The following ACOT1 variants were observed in gnomAD, a reference collection of about 807,000 sequenced individuals.
ACOT1 encodes the protein acyl-CoA thioesterase 1, also known as acyl-coenzyme A thioesterase 1.
A neutral mutation model predicts 15.7 loss-of-function variants in ACOT1; 8 were observed. The ratio of observed to expected loss-of-function variants is 0.51; its 90% CI spans 0.30 to 0.92. The LOEUF (loss-of-function observed/expected upper bound fraction) is 0.92. Ranked by LOEUF, ACOT1 falls within the 40% of genes least tolerant of loss-of-function variation. The probability of loss-of-function intolerance (pLI) is 0.06; values close to 1 mark genes in which losing one functional copy is unlikely to be tolerated. For missense variants in ACOT1, 151 were observed against 539.4 expected, an observed-to-expected ratio of 0.28 and a Z score of 7.13; for synonymous variants, 67 against 241.2, an observed-to-expected ratio of 0.28 and a Z score of 6.69.
chr14:73,498,166 A>G, the ACOT1 span: 2 of 1,611,898 alleles, frequency 1.2e-6, no homozygotes, highest in African/African-American at 1.3e-5. Flanking sequence ...TTAGAACAGC[A>G]TCGTGGTTCT....
the ACOT1 span, among the ~76,000 whole-genome samples, chr14:73,524,753 C>T: frequency 2.3e-3 from 352 of 151,502 alleles, no homozygotes; most frequent in African/African-American, 8.2e-3. Flanking sequence ...ACTTTGTTGG[C>T]CTTGCCTCTC....
At chr14:73,521,117 G>A in the ACOT1 span, 45 of 1,275,564 alleles carry the variant, frequency 3.5e-5, no homozygotes, top group East Asian at 7.0e-5. Flanking sequence ...TCCACAGCTC[G>A]TTCCCTTTCC....
chr14:73,492,419 G>A, the ACOT1 span: 1 of 1,613,772 alleles, frequency 6.2e-7, no homozygotes, highest in East Asian at 2.2e-5. The surrounding 1 kb of genome is among the most constrained non-coding windows in gnomAD (Gnocchi z 4.9). Flanking sequence ...CCAGCATTCA[G>A]ATTCTAAGGA....
chr14:73,502,195 C>G, the ACOT1 span, among the ~76,000 whole-genome samples: 1 of 151,912 alleles, frequency 6.6e-6, no homozygotes. Context: ...GGCTGGGCCT[C>G]CTGTGCAGTC....
chr14:73,543,007 T>C lies in ACOT1; in HGVS notation c.661-43T>C. Reference sequence around the variant, plus strand: ...GGCACAACTCACCATATTCCACTGTTTGTGGAGCCATTCTTCTTCTTTTTC... The same window carrying C: ...GGCACAACTCACCATATTCCACTGTCTGTGGAGCCATTCTTCTTCTTTTTC... On this transcript the variant is annotated intron_variant, in intron 2 of 2. Coordinates refer to ENST00000311148, the MANE Select transcript of ACOT1 (RefSeq NM_001037161.2). 1.6e-6 allele frequency: 2 copies of C among 1,242,926 alleles called. 1 individual carries two copies. The highest frequency in any genetic ancestry group is 2.1e-6 in the Non-Finnish European group (2 of 935,314). 77.0% of individuals were successfully genotyped at this position (1,242,926 alleles called of 1,614,324 possible).
upstream of ACOT1, among the ~76,000 whole-genome samples, chr14:73,535,469 CTTTTTTTTTTTTTTTTTTTTTTTTT>C (rs869167008): frequency 1.1e-3 from 18 of 16,538 alleles, 1 homozygote; most frequent in Non-Finnish European, 2.8e-3. Context: ...TTTCTTCTTT[CTTTTTTTTTTTTTTTTTTTTTTTTT>C]TTTTTTTTTT....
chr14:73,528,371 G>A, the ACOT1 span, among the ~76,000 whole-genome samples: 14 of 113,478 alleles, frequency 1.2e-4, no homozygotes, highest in African/African-American at 4.0e-4. Flanking sequence ...CAGCCTGGAC[G>A]ACAAGAGCGA....
chr14:73,496,628 T>C, the ACOT1 span: 1 of 1,603,888 alleles, frequency 6.2e-7, no homozygotes, highest in African/African-American at 1.3e-5. Flanking sequence ...GAAGCATTTC[T>C]TGGTTTCCTT....
At chr14:73,537,060 T>G, upstream of ACOT1, 1 of 176,768 alleles carries the variant, frequency 5.7e-6, no homozygotes, top group South Asian at 9.7e-5. Context: ...CTTGGCCAAC[T>G]GCAAGCTCCA....
the ACOT1 span, chr14:73,509,356 T>C: frequency 3.3e-5 from 54 of 1,614,162 alleles, 1 homozygote; most frequent in South Asian, 5.8e-4. Flanking sequence ...AAGGGGATTA[T>C]GTGACTGTAT....
the ACOT1 span, chr14:73,519,242 C>A: frequency 6.9e-7 from 1 of 1,439,220 alleles, no homozygotes; most frequent in Middle Eastern, 1.8e-4. Context: ...TCACCAGGAT[C>A]AGACCCAACT....
intron 1 of ACOT1, 97 bp from the exon 2 acceptor site, chr14:73,541,396 G>C: frequency 2.0e-6 from 2 of 1,023,032 alleles, no homozygotes; most frequent in Non-Finnish European, 2.7e-6. Context: ...GGATTGCTGG[G>C]TCACATGTGT....
chr14:73,509,599 T>A, the ACOT1 span: 21 of 886,990 alleles, frequency 2.4e-5, no homozygotes, highest in South Asian at 2.7e-4. Flanking sequence ...CTATGTAATA[T>A]AATTACAGTT....
chr14:73,509,324 C>A, the ACOT1 span: 1 of 1,614,062 alleles, frequency 6.2e-7, no homozygotes, highest in African/African-American at 1.3e-5. Flanking sequence ...TTCAGAAGGG[C>A]AGTCTGCATG....
the ACOT1 span, among the ~76,000 whole-genome samples, chr14:73,516,662 C>T: frequency 6.6e-6 from 1 of 152,162 alleles, no homozygotes; most frequent in African/African-American, 2.4e-5. Flanking sequence ...TGGGCCTGTA[C>T]CAGTTCATGG....
At chr14:73,506,025 G>A in the ACOT1 span, among the ~76,000 whole-genome samples, 1 of 151,442 alleles carries the variant, frequency 6.6e-6, no homozygotes, top group Non-Finnish European at 1.5e-5. Flanking sequence ...CAAGTAGCAG[G>A]GATTATAGGC....
chr14:73,512,254 G>T, the ACOT1 span: 1 of 1,284,752 alleles, frequency 7.8e-7, no homozygotes, highest in Non-Finnish European at 1.1e-6. Context: ...AATAATTCAA[G>T]CAAAACATTA....
chr14:73,524,336 T>TATATATATATATATA, the ACOT1 span, among the ~76,000 whole-genome samples: 2 of 134,530 alleles, frequency 1.5e-5, no homozygotes, highest in African/African-American at 2.8e-5. Flanking sequence ...TATATATATA[T>TATATATATATATATA]TATAGCTGTA....
At chr14:73,517,541 A>G in the ACOT1 span, 1 of 151,876 alleles carries the variant, frequency 6.6e-6, no homozygotes, top group Non-Finnish European at 1.5e-5. Flanking sequence ...AGTGGTGTGC[A>G]CCTGTAGTTC....
Sources: allele counts gnomAD v4.1 joint callset (sites outside exome capture counted in the v4.1 genomes callset), GRCh38; gene constraint gnomAD v4.1.1; non-coding constraint Gnocchi (gnomAD v3.1); transcripts MANE v1.5; gene names NCBI Gene and HGNC (gene_info 2026-07-23, HGNC 2026-07-21).